CHODL: variants seen among roughly 807,000 people sequenced by gnomAD.
CHODL encodes the protein transmembrane protein MT75.
Under a neutral mutation model 34.5 loss-of-function variants are expected in CHODL, and 29 were observed. The ratio of observed to expected loss-of-function variants is 0.84; its 90% CI spans 0.63 to 1.15. The LOEUF is 1.15. Among genes scored for constraint, CHODL ranks in the 50% most tolerant of loss-of-function variants. The pLI is 0.00. For synonymous variants in CHODL, 125 were observed against 116.1 expected, an observed-to-expected ratio of 1.08 and a Z score of -0.49; for missense variants, 332 against 332.5, an observed-to-expected ratio of 1.00 and a Z score of 0.01.
chr21:18,006,226 T>C (rs2063959738), intron 1 of CHODL, among the ~76,000 whole-genome samples: 1 of 152,144 alleles, frequency 6.6e-6, no homozygotes, highest in Non-Finnish European at 1.5e-5. Flanking sequence ...TGTATGTCTT[T>C]ATCAGCAGCA....
At chr21:18,196,479 T>A (rs1210737136) in intron 2 of CHODL, among the ~76,000 whole-genome samples, 3 of 152,154 alleles carry the variant, frequency 2.0e-5, no homozygotes, top group African/African-American at 7.2e-5. Context: ...TGTAGGAAAT[T>A]AACAGTAATT....
chr21:18,005,817 A>C (rs1250200189), intron 1 of CHODL, among the ~76,000 whole-genome samples: 2 of 152,084 alleles, frequency 1.3e-5, no homozygotes, highest in Non-Finnish European at 2.9e-5. Flanking sequence ...AACAGCACAC[A>C]CTGGGGCCTG....
intron 5 of CHODL, 142 bp downstream of exon 5, chr21:18,263,035 T>G: frequency 1.7e-6 from 1 of 579,090 alleles, no homozygotes; most frequent in South Asian, 2.3e-5. Flanking sequence ...AGATATACAT[T>G]GAGGATAGAA....
intron 2 of CHODL, among the ~76,000 whole-genome samples, chr21:18,222,013 G>A (rs922660447): frequency 2.0e-5 from 3 of 152,204 alleles, no homozygotes; most frequent in African/African-American, 4.8e-5. Flanking sequence ...TGTGTAGGGT[G>A]CATCAGCACC....
At chr21:18,068,458 AAGTGCTG>A (rs2064757965) in intron 2 of CHODL, among the ~76,000 whole-genome samples, 1 of 152,188 alleles carries the variant, frequency 6.6e-6, no homozygotes, top group African/African-American at 2.4e-5. Context: ...TGGCCTCTCA[AAGTGCTG>A]GGATTACAGG....
At chr21:18,014,605 G>C (rs1239768198) in intron 1 of CHODL, among the ~76,000 whole-genome samples, 1 of 152,146 alleles carries the variant, frequency 6.6e-6, no homozygotes, top group Admixed American at 6.5e-5. Flanking sequence ...TTCATGGCTT[G>C]GTGCTGTCCT....
intron 2 of CHODL, among the ~76,000 whole-genome samples, chr21:18,150,803 C>G (rs1383113772): frequency 6.6e-6 from 1 of 152,046 alleles, no homozygotes; most frequent in Non-Finnish European, 1.5e-5. Flanking sequence ...ATTCTCTGAC[C>G]TGGCCGGCAT....
At chr21:18,015,490 A>G (rs117716498) in intron 1 of CHODL, among the ~76,000 whole-genome samples, 6 of 152,300 alleles carry the variant, frequency 3.9e-5, no homozygotes, top group African/African-American at 7.2e-5. Flanking sequence ...CAGTGCAAGA[A>G]TGGACTAATA....
intron 2 of CHODL, among the ~76,000 whole-genome samples, chr21:18,117,730 G>T (rs1568895126): frequency 6.6e-6 from 1 of 150,554 alleles, no homozygotes; most frequent in Non-Finnish European, 1.5e-5. Flanking sequence ...TAAATAAGAA[G>T]AAATAAATAA....
At chr21:18,161,822 T>C (rs2073098959) in intron 2 of CHODL, among the ~76,000 whole-genome samples, 1 of 152,194 alleles carries the variant, frequency 6.6e-6, no homozygotes, top group South Asian at 2.1e-4. Context: ...TGTCTACATC[T>C]CTCTCTGGGC....
chr21:18,019,022 T>A (rs968222233), intron 1 of CHODL, among the ~76,000 whole-genome samples: 2 of 152,210 alleles, frequency 1.3e-5, no homozygotes, highest in Non-Finnish European at 2.9e-5. Flanking sequence ...CTTAGAAAAA[T>A]CTACTGAGCT....
intron 1 of CHODL, among the ~76,000 whole-genome samples, chr21:17,942,377 G>A (rs2063372134): frequency 6.6e-6 from 1 of 152,116 alleles, no homozygotes. Context: ...AGTTTTATGA[G>A]ATCTGATGGT....
At chr21:18,206,310 A>T (rs1233586866) in intron 2 of CHODL, among the ~76,000 whole-genome samples, 1 of 152,180 alleles carries the variant, frequency 6.6e-6, no homozygotes, top group Non-Finnish European at 1.5e-5. Flanking sequence ...GTATATCAGA[A>T]TACTGCAGTA....
At chr21:18,135,513 C>T (rs1296558075) in intron 2 of CHODL, among the ~76,000 whole-genome samples, 1 of 152,180 alleles carries the variant, frequency 6.6e-6, no homozygotes, top group Non-Finnish European at 1.5e-5. Context: ...ATATTTCTCA[C>T]AACTTCTGTC....
intron 2 of CHODL, among the ~76,000 whole-genome samples, chr21:18,167,109 A>AT (rs2073163251): frequency 6.6e-6 from 1 of 151,968 alleles, no homozygotes; most frequent in Non-Finnish European, 1.5e-5. Context: ...ATTTAATCAG[A>AT]TTTTTAAATA....
chr21:18,208,625 T>G (rs989265822), intron 2 of CHODL, among the ~76,000 whole-genome samples: 1 of 152,160 alleles, frequency 6.6e-6, no homozygotes, highest in Non-Finnish European at 1.5e-5. Flanking sequence ...GTGTATCCAT[T>G]CATCTTGTGA....
At chr21:18,010,389 G>A (rs2064007953) in intron 1 of CHODL, among the ~76,000 whole-genome samples, 1 of 150,418 alleles carries the variant, frequency 6.6e-6, no homozygotes, top group African/African-American at 2.4e-5. Context: ...TCAAATGTTA[G>A]CAAATGACTG....
chr21:18,035,576 A>G (rs180739399), intron 2 of CHODL, among the ~76,000 whole-genome samples: 10 of 151,984 alleles, frequency 6.6e-5, no homozygotes, highest in African/African-American at 2.4e-4. Context: ...GGATACTTCA[A>G]TTTCATATAT....
intron 2 of CHODL, among the ~76,000 whole-genome samples, chr21:18,135,003 T>C (rs1166253907): frequency 6.6e-6 from 1 of 152,228 alleles, no homozygotes; most frequent in Non-Finnish European, 1.5e-5. Flanking sequence ...TCATTGGGAA[T>C]AGTAAATTTT....
Sources: allele counts gnomAD v4.1 joint callset (sites outside exome capture counted in the v4.1 genomes callset), GRCh38; gene constraint gnomAD v4.1.1; transcripts MANE v1.5; gene names NCBI Gene and HGNC (gene_info 2026-07-23, HGNC 2026-07-21).